THSD7B: variants seen among roughly 807,000 people sequenced by gnomAD.
THSD7B encodes the protein thrombospondin type-1 domain-containing protein 7B.
Under a neutral mutation model 213.6 loss-of-function variants are expected in THSD7B, and 138 were observed. The observed-to-expected ratio is 0.65, with a 90% confidence interval of 0.56 to 0.74. The LOEUF (loss-of-function observed/expected upper bound fraction) is 0.74. THSD7B is among the 30% of genes least tolerant of loss of function. The pLI is 0.00. For synonymous variants in THSD7B, 742 were observed against 687.0 expected (o/e 1.08, Z -1.25); for missense variants, 1,931 against 1,991.5 (o/e 0.97, Z 0.58).
chr2:137,550,531 T>C (rs1424546447), intron 15 of THSD7B, among the ~76,000 whole-genome samples: 10 of 152,142 alleles, frequency 6.6e-5, no homozygotes, highest in Non-Finnish European at 1.3e-4. Context: ...ACAGCACAGA[T>C]AGCTTAGCTT....
intron 20 of THSD7B, among the ~76,000 whole-genome samples, chr2:137,641,413 C>G (rs72844553): frequency 0.079 from 12,052 of 152,252 alleles, 616 homozygotes; most frequent in Non-Finnish European, 0.11. Flanking sequence ...GAATGGGCTG[C>G]CATTCTAATG....
At chr2:137,079,335 G>T (rs894166210) in intron 3 of THSD7B, among the ~76,000 whole-genome samples, 1 of 151,862 alleles carries the variant, frequency 6.6e-6, no homozygotes, top group Non-Finnish European at 1.5e-5. Context: ...AAGTTATACT[G>T]TTATTAGTAT....
intron 1 of THSD7B, among the ~76,000 whole-genome samples, chr2:136,864,814 A>C (rs1200025885): frequency 6.6e-6 from 1 of 152,142 alleles, no homozygotes; most frequent in African/African-American, 2.4e-5. Context: ...GGCCTCCCAA[A>C]GTGTTGGGAT....
At chr2:137,006,338 T>G (rs1256497400) in intron 2 of THSD7B, among the ~76,000 whole-genome samples, 1 of 152,124 alleles carries the variant, frequency 6.6e-6, no homozygotes, top group Non-Finnish European at 1.5e-5. Flanking sequence ...GAGCTTGCAG[T>G]GAGCCGAGAT....
chr2:137,328,143 G>A (rs528639793), intron 12 of THSD7B, among the ~76,000 whole-genome samples: 18 of 152,098 alleles, frequency 1.2e-4, no homozygotes, highest in African/African-American at 2.9e-4. Context: ...AGATAAATGC[G>A]TATGAGTCTA....
chr2:137,115,106 A>G lies in THSD7B; in HGVS notation c.1200-18A>G. The G allele has an allele frequency of 6.2e-7, 1 of 1,613,940 alleles. No individual in the cohort carries two copies. The highest frequency in any genetic ancestry group is 8.5e-7 in the Non-Finnish European group (1 of 1,179,834). The stretch of plus-strand genomic sequence containing the variant: ...TTCTTACTTCTTCTTCTTCTTTTAA[A>G]TAAACCAAACCAAACAGGTATTCCT... On this transcript the variant is annotated intron_variant, in intron 4 of 27. Transcript: ENST00000409968.
In THSD7B at chr2:136,888,983, A is replaced by G. The variant is rs561576464; in HGVS notation, c.139+6666A>G. Among the ~76,000 whole-genome samples, 3 of 151,652 alleles carry G rather than the reference A, an allele frequency of 2.0e-5. No individual in the cohort carries two copies. In the East Asian group the frequency reaches 5.8e-4, roughly 29 times the overall value. On this transcript the variant is annotated intron_variant, in intron 2 of 27. Transcript: ENST00000409968. ...TGTGTGTGTGTGCTTGTGTGTGTGT[A>G]CATGTATTTAGGGGAGTTGAGAAGA...
intron 1 of THSD7B, among the ~76,000 whole-genome samples, chr2:136,845,240 A>C (rs1682988034): frequency 6.6e-6 from 1 of 152,190 alleles, no homozygotes; most frequent in Non-Finnish European, 1.5e-5. Context: ...GGAAGATATG[A>C]ATAGCGTAGC....
intron 2 of THSD7B, among the ~76,000 whole-genome samples, chr2:136,945,062 G>A (rs759477097): frequency 6.6e-6 from 1 of 152,094 alleles, no homozygotes; most frequent in Non-Finnish European, 1.5e-5. Context: ...CCTCCTTCAG[G>A]AGCTCTTGTA....
chr2:137,085,495 ATAAT>A (rs1257850176), intron 3 of THSD7B, among the ~76,000 whole-genome samples: 1 of 152,170 alleles, frequency 6.6e-6, no homozygotes, highest in Non-Finnish European at 1.5e-5. Flanking sequence ...TTTAAAAGGA[ATAAT>A]TAAGAAATGA....
chr2:137,202,429 CAG>C (rs1558956610), intron 7 of THSD7B, among the ~76,000 whole-genome samples: 1 of 152,088 alleles, frequency 6.6e-6, no homozygotes, highest in Non-Finnish European at 1.5e-5. Context: ...AGAGAAGACA[CAG>C]AGGAGATGGC....
At chr2:137,073,580 C>T (rs1331639331) in intron 3 of THSD7B, among the ~76,000 whole-genome samples, 2 of 152,160 alleles carry the variant, frequency 1.3e-5, no homozygotes, top group Non-Finnish European at 2.9e-5. Context: ...GTGTCTCTAT[C>T]TCCTTCAGTT....
chr2:136,830,136 A>T (rs879539710), intron 1 of THSD7B, among the ~76,000 whole-genome samples: 2 of 152,082 alleles, frequency 1.3e-5, no homozygotes, highest in Non-Finnish European at 2.9e-5. Context: ...ACACACACAC[A>T]CACACACATA....
At chr2:136,767,455 A>C (rs1451262703) in intron 1 of THSD7B, among the ~76,000 whole-genome samples, 1 of 49,022 alleles carries the variant, frequency 2.0e-5, no homozygotes, top group African/African-American at 6.6e-5. Context: ...TATCCCTGGG[A>C]AGTGTGTGTG....
At chr2:136,982,978 A>T (rs980412214) in intron 2 of THSD7B, among the ~76,000 whole-genome samples, 1 of 152,066 alleles carries the variant, frequency 6.6e-6, no homozygotes, top group Non-Finnish European at 1.5e-5. Context: ...CTTCCTCTCA[A>T]GTGCCATGTT....
intron 2 of THSD7B, among the ~76,000 whole-genome samples, chr2:136,888,565 T>A (rs989424456): frequency 6.6e-6 from 1 of 152,104 alleles, no homozygotes; most frequent in African/African-American, 2.4e-5. Flanking sequence ...TATGTTGACA[T>A]CATTTTAATT....
At chr2:137,469,017 C>A (rs1463838256) in intron 15 of THSD7B, among the ~76,000 whole-genome samples, 1 of 152,052 alleles carries the variant, frequency 6.6e-6, no homozygotes, top group African/African-American at 2.4e-5. Flanking sequence ...TAGGCCATGT[C>A]TATATGAAAC....
At chr2:136,904,054 T>C (rs1381248503) in intron 2 of THSD7B, among the ~76,000 whole-genome samples, 1 of 52,518 alleles carries the variant, frequency 1.9e-5, no homozygotes, top group Admixed American at 1.7e-4. Flanking sequence ...CCCAGCTGTG[T>C]CCCCAAATGT....
intron 10 of THSD7B, among the ~76,000 whole-genome samples, chr2:137,271,468 A>G (rs1379432309): frequency 7.7e-6 from 1 of 129,182 alleles, no homozygotes; most frequent in East Asian, 2.3e-4. Context: ...ATATAATATA[A>G]TATATAATAT....
Sources: gnomAD v4.1 joint callset for allele counts (sites outside exome capture counted in the v4.1 genomes callset) on GRCh38, gnomAD v4.1.1 for gene constraint, MANE v1.5 for transcripts, NCBI Gene and HGNC (gene_info 2026-07-23, HGNC 2026-07-21) for gene names.